Variants in EGFLAM observed in about 807,000 individuals in gnomAD.
The protein encoded by EGFLAM is pikachurin.
Under a neutral mutation model 113.1 loss-of-function variants are expected in EGFLAM, and 79 were observed. The ratio of observed to expected loss-of-function variants is 0.70; its 90% CI spans 0.58 to 0.84. EGFLAM has a LOEUF of 0.84. Among genes scored for constraint, EGFLAM ranks in the 40% least tolerant of loss-of-function variants. The pLI is 0.00. For missense variants in EGFLAM, 1,265 were observed against 1,291.6 expected, an observed-to-expected ratio of 0.98 and a Z score of 0.32; for synonymous variants, 504 against 487.6, an observed-to-expected ratio of 1.03 and a Z score of -0.44.
At chr5:38,320,650 G>A (rs115252470) in intron 1 of EGFLAM, among the ~76,000 whole-genome samples, 1,725 of 152,164 alleles carry the variant, frequency 0.011, 36 homozygotes, top group African/African-American at 0.037. Context: ...GTGTGGTGAT[G>A]GGAGGTTGGT....
chr5:38,450,859 G>A (rs1041075717), intron 18 of EGFLAM, among the ~76,000 whole-genome samples: 2 of 152,198 alleles, frequency 1.3e-5, no homozygotes, highest in Admixed American at 6.5e-5. Context: ...TATTTTCCCT[G>A]TCTAGACCTT....
intron 6 of EGFLAM, among the ~76,000 whole-genome samples, chr5:38,382,014 C>T (rs183790658): frequency 3.3e-5 from 5 of 152,208 alleles, no homozygotes; most frequent in South Asian, 2.1e-4. Context: ...AAGGAGATGA[C>T]GTTAGAGAAA....
chr5:38,354,761 A>G (rs908067022), intron 5 of EGFLAM, among the ~76,000 whole-genome samples: 1 of 152,188 alleles, frequency 6.6e-6, no homozygotes, highest in Non-Finnish European at 1.5e-5. Context: ...TTATGTTTTT[A>G]TGGTAGCCTG....
chr5:38,446,335 GTCCT>G (rs1742711500), intron 17 of EGFLAM, among the ~76,000 whole-genome samples: 1 of 151,406 alleles, frequency 6.6e-6, no homozygotes, highest in Non-Finnish European at 1.5e-5. Flanking sequence ...TCTGTTTCCC[GTCCT>G]TCCTTGCCCG....
chr5:38,418,968 A>AAATT (rs1741743965), intron 12 of EGFLAM, among the ~76,000 whole-genome samples: 1 of 152,132 alleles, frequency 6.6e-6, no homozygotes, highest in South Asian at 2.1e-4. Context: ...TAAACATCAG[A>AAATT]AATTAATTTT....
chr5:38,417,799 G>A (rs540782318), intron 11 of EGFLAM, among the ~76,000 whole-genome samples: 4 of 151,574 alleles, frequency 2.6e-5, no homozygotes, highest in South Asian at 2.1e-4. Flanking sequence ...TGGGTGAGGC[G>A]TGTCTCTGAC....
At chr5:38,377,636 A>G (rs1740400470) in intron 6 of EGFLAM, among the ~76,000 whole-genome samples, 2 of 152,228 alleles carry the variant, frequency 1.3e-5, no homozygotes, top group African/African-American at 4.8e-5. Flanking sequence ...AGAAACCCAC[A>G]TAGGCCAAAA....
At chr5:38,385,077 A>G (rs1740621016) in intron 6 of EGFLAM, among the ~76,000 whole-genome samples, 1 of 152,154 alleles carries the variant, frequency 6.6e-6, no homozygotes. Flanking sequence ...ATCAAAGTTA[A>G]AAACCTAACC....
intron 1 of EGFLAM, among the ~76,000 whole-genome samples, chr5:38,312,530 G>T (rs1320609476): frequency 6.6e-6 from 1 of 151,762 alleles, no homozygotes; most frequent in African/African-American, 2.4e-5. Context: ...GTGAGCCACC[G>T]CGCCTGGCCA....
intron 3 of EGFLAM, among the ~76,000 whole-genome samples, chr5:38,344,292 C>G (rs1181563044): frequency 1.3e-5 from 2 of 152,290 alleles, no homozygotes; most frequent in East Asian, 3.9e-4. Context: ...TTGAGACCAG[C>G]CTGGCCAATG....
chr5:38,398,637 C>T (rs1279825121), intron 6 of EGFLAM, among the ~76,000 whole-genome samples: 1 of 152,196 alleles, frequency 6.6e-6, no homozygotes, highest in Non-Finnish European at 1.5e-5. Context: ...TCATCCAAAA[C>T]ATTGAAAGAA....
chr5:38,361,374 C>T lies in EGFLAM; in HGVS notation c.546-8922C>T, dbSNP rs560156674. Among the ~76,000 whole-genome samples, 11 of 152,286 alleles carry T rather than the reference C, an allele frequency of 7.2e-5. No individual in the cohort carries two copies. In the East Asian group the frequency reaches 2.1e-3, roughly 29 times the overall value. On this transcript the variant is annotated intron_variant, in intron 5 of 21. Transcript: ENST00000322350. The stretch of plus-strand genomic sequence containing the variant: ...TCAGCACACTTGTAGTTAATTACTT[C>T]TTCAAGGTCTGTCTTCCTCTTGGAA...
chr5:38,312,961 A>C (rs1306095301), intron 1 of EGFLAM, among the ~76,000 whole-genome samples: 1 of 152,024 alleles, frequency 6.6e-6, no homozygotes, highest in Non-Finnish European at 1.5e-5. Flanking sequence ...GGTGGTGTGC[A>C]CCTGTAATCC....
intron 6 of EGFLAM, among the ~76,000 whole-genome samples, chr5:38,392,524 G>A (rs34963816): frequency 6.6e-6 from 1 of 151,872 alleles, no homozygotes; most frequent in African/African-American, 2.4e-5. Flanking sequence ...GCTCTTTGAG[G>A]AATGTCATAA....
intron 7 of EGFLAM, 126 bp from the exon 8 acceptor site, chr5:38,406,702 C>T (rs1741296397): frequency 8.4e-6 from 7 of 833,964 alleles, no homozygotes; most frequent in Admixed American, 2.7e-5. Flanking sequence ...TGCTGTCTTC[C>T]CCATCTCCAT....
Position 38,338,626 on chromosome 5 carries a change from A to G in EGFLAM, c.208-72A>G, listed in dbSNP as rs553864927. 540 of 1,399,468 alleles carry G rather than the reference A, an allele frequency of 3.9e-4. 3 individuals are homozygous for G. The highest frequency in any genetic ancestry group is 1.5e-3 in the South Asian group (130 of 86,062). 86.7% of individuals were successfully genotyped at this position (1,399,468 alleles called of 1,614,324 possible). A position where few individuals can be genotyped will look rare whatever the true frequency, so the allele number is the denominator to read the frequency against. On this transcript the variant is annotated intron_variant, in intron 2 of 21. Coordinates refer to ENST00000322350, the MANE Select transcript of EGFLAM (RefSeq NM_152403.4). ...CACCTCAGAGCCTGCTGCCACTGTG[A>G]GTGCAATTACAACCTTTGATCTTAC...
At chr5:38,406,289 G>A in intron 7 of EGFLAM, 48 bp downstream of exon 7, 1 of 1,550,640 alleles carries the variant, frequency 6.4e-7, no homozygotes, top group Non-Finnish European at 8.9e-7. Context: ...GTGTTTTCTT[G>A]CCGAACAAGA....
chr5:38,456,854 C>T (rs931877256), intron 19 of EGFLAM, among the ~76,000 whole-genome samples: 1 of 152,212 alleles, frequency 6.6e-6, no homozygotes, highest in African/African-American at 2.4e-5. Context: ...GAACATACTT[C>T]CCTTCAAAAG....
intron 1 of EGFLAM, among the ~76,000 whole-genome samples, chr5:38,273,238 T>A (rs1428255): frequency 0.41 from 62,922 of 152,036 alleles, 13,560 homozygotes; most frequent in Middle Eastern, 0.56. Flanking sequence ...GCACTCTAAT[T>A]CTGGGCTCAC....
Sources: gnomAD v4.1 joint callset for allele counts (sites outside exome capture counted in the v4.1 genomes callset) on GRCh38, gnomAD v4.1.1 for gene constraint, MANE v1.5 for transcripts, NCBI Gene and HGNC (gene_info 2026-07-23, HGNC 2026-07-21) for gene names.